Variants in ADGRB3 observed in about 807,000 individuals in gnomAD.
ADGRB3 encodes brain-specific angiogenesis inhibitor 3.
ADGRB3 carries 37 observed loss-of-function variants against 193.4 expected under a neutral mutation model. The observed-to-expected ratio is 0.19, with a 90% CI of 0.15 to 0.25. The LOEUF (loss-of-function observed/expected upper bound fraction) is 0.25. Ranked by LOEUF, ADGRB3 falls within the 10% of genes least tolerant of loss-of-function variation. The probability of loss-of-function intolerance (pLI) is 1.00; values close to 1 mark genes in which losing one functional copy is unlikely to be tolerated. For missense variants in ADGRB3, 1,637 were observed against 1,852.9 expected, an observed-to-expected ratio of 0.88 and a Z score of 2.14; for synonymous variants, 690 against 644.2, an observed-to-expected ratio of 1.07 and a Z score of -1.08.
intron 3 of ADGRB3, among the ~76,000 whole-genome samples, chr6:68,767,020 T>C (rs575149354): frequency 1.3e-5 from 2 of 152,212 alleles, no homozygotes; most frequent in East Asian, 1.9e-4. Flanking sequence ...TCATGTCAGA[T>C]TAAGTAAATT....
At chr6:68,898,216 A>C (rs1358256637) in intron 3 of ADGRB3, among the ~76,000 whole-genome samples, 1 of 151,980 alleles carries the variant, frequency 6.6e-6, no homozygotes, top group Non-Finnish European at 1.5e-5. Context: ...GAAATCCAAA[A>C]TCCTGAGAAC....
chr6:69,378,807 C>A (rs982465594), intron 30 of ADGRB3, among the ~76,000 whole-genome samples: 1 of 151,936 alleles, frequency 6.6e-6, no homozygotes, highest in African/African-American at 2.4e-5. Context: ...TAGGAGAGTT[C>A]TTGGGATATA....
chr6:69,075,906 C>T, intron 16 of ADGRB3, 89 bp from the exon 17 acceptor site: 1 of 964,856 alleles, frequency 1.0e-6, no homozygotes, highest in Admixed American at 2.1e-5. Flanking sequence ...GATAAGAAAT[C>T]TTCCATTCTG....
At chr6:68,653,066 T>A (rs1352170969) in intron 3 of ADGRB3, among the ~76,000 whole-genome samples, 3 of 152,118 alleles carry the variant, frequency 2.0e-5, no homozygotes, top group African/African-American at 7.2e-5. Flanking sequence ...AAAAGTGACA[T>A]TGCTCACTTC....
chr6:68,920,512 C>CAAA (rs5877180), intron 3 of ADGRB3, among the ~76,000 whole-genome samples: 11 of 68,870 alleles, frequency 1.6e-4, no homozygotes, highest in East Asian at 4.9e-4. Flanking sequence ...GACTCTGTAT[C>CAAA]AAAAAAAAAA....
At position 68,860,005 on chromosome 6, in the gene ADGRB3, G is replaced by GA. The variant is rs532037275; in HGVS notation, c.758-70549dup. On this transcript the variant is annotated intron_variant, in intron 3 of 31. Transcript: ENST00000370598. Reference sequence around the variant, plus strand: ...ATAATAGTAACTATAGGTATTTTATGAAAAATAACTATGTATATTTTCCAA... The same window carrying GA: ...ATAATAGTAACTATAGGTATTTTATGAAAAAATAACTATGTATATTTTCCAA... 1.8e-4 allele frequency among the ~76,000 whole-genome samples: 27 copies of GA among 151,978 alleles called. 1 individual carries two copies. The South Asian group carries it at 4.6e-3, about 26-fold the overall frequency.
chr6:68,657,419 A>C (rs189886875), intron 3 of ADGRB3, among the ~76,000 whole-genome samples: 184 of 151,556 alleles, frequency 1.2e-3, no homozygotes, highest in African/African-American at 4.1e-3. Context: ...ATCAGTAAAA[A>C]TTTTTAAACA....
intron 3 of ADGRB3, among the ~76,000 whole-genome samples, chr6:68,911,839 G>A (rs1352260835): frequency 1.3e-5 from 2 of 149,038 alleles, no homozygotes; most frequent in African/African-American, 4.9e-5. Flanking sequence ...CTACACAAAG[G>A]TCATTCCTAA....
chr6:69,057,643 G>C (rs1457773620), intron 15 of ADGRB3, among the ~76,000 whole-genome samples: 1 of 151,898 alleles, frequency 6.6e-6, no homozygotes, highest in East Asian at 1.9e-4. Context: ...TATCATGAAA[G>C]GGTGTCGAAT....
intron 18 of ADGRB3, 79 bp from the exon 19 acceptor site, chr6:69,234,953 G>C: frequency 8.9e-7 from 1 of 1,124,912 alleles, no homozygotes; most frequent in Admixed American, 1.9e-5. Flanking sequence ...TGAGTGATAG[G>C]TTAGCTTTGC....
intron 3 of ADGRB3, among the ~76,000 whole-genome samples, chr6:68,841,453 G>C (rs1768157528): frequency 6.6e-6 from 1 of 152,014 alleles, no homozygotes; most frequent in Non-Finnish European, 1.5e-5. Context: ...ATAACAAGAG[G>C]AATTTTTCAA....
chr6:69,084,929 T>A (rs1772502451), intron 17 of ADGRB3, among the ~76,000 whole-genome samples: 1 of 152,120 alleles, frequency 6.6e-6, no homozygotes, highest in African/African-American at 2.4e-5. Context: ...AGTTGTTTGG[T>A]ATGCATGAGT....
At chr6:69,231,138 T>G (rs1260716598) in intron 17 of ADGRB3, among the ~76,000 whole-genome samples, 1 of 152,148 alleles carries the variant, frequency 6.6e-6, no homozygotes. Context: ...GTAAAGTAAA[T>G]GGACTCACAT....
At chr6:69,079,214 GT>G (rs1167021313) in intron 17 of ADGRB3, among the ~76,000 whole-genome samples, 1 of 151,876 alleles carries the variant, frequency 6.6e-6, no homozygotes, top group African/African-American at 2.4e-5. Flanking sequence ...TATTTGTTTT[GT>G]TCTGGCTCAC....
At chr6:68,987,661 C>T (rs1171673631) in intron 10 of ADGRB3, among the ~76,000 whole-genome samples, 1 of 152,076 alleles carries the variant, frequency 6.6e-6, no homozygotes, top group African/African-American at 2.4e-5. Context: ...GCTCAAATCT[C>T]CATAGTCACT....
rs937887141 is a variant in ADGRB3, at chr6:68,812,430, T to C, written c.758-118129T>C. Among the ~76,000 whole-genome samples the C allele has an allele frequency of 2.0e-5, 3 of 152,182 alleles. No homozygotes were observed. In the South Asian group the frequency reaches 6.2e-4, roughly 32 times the overall value. On this transcript the variant is annotated intron_variant, in intron 3 of 31. Transcript: ENST00000370598. ...TACTTTTTTACATTAGATAATTATATGACTTGCCAATTGTAACAGAAGAAT... is the reference window on the plus strand; with the variant it reads ...TACTTTTTTACATTAGATAATTATACGACTTGCCAATTGTAACAGAAGAAT...
intron 13 of ADGRB3, among the ~76,000 whole-genome samples, chr6:69,047,242 A>G (rs1031667236): frequency 6.6e-6 from 1 of 152,184 alleles, no homozygotes; most frequent in Non-Finnish European, 1.5e-5. Context: ...TCCAAGGGAC[A>G]CTTGAAAATA....
chr6:68,888,581 A>G (rs1227146578), intron 3 of ADGRB3, among the ~76,000 whole-genome samples: 1 of 152,004 alleles, frequency 6.6e-6, no homozygotes, highest in African/African-American at 2.4e-5. Flanking sequence ...ACACATAAAA[A>G]AAACTCCTGC....
intron 17 of ADGRB3, among the ~76,000 whole-genome samples, chr6:69,097,384 G>C (rs1197153859): frequency 6.6e-6 from 1 of 152,066 alleles, no homozygotes; most frequent in Non-Finnish European, 1.5e-5. Flanking sequence ...ATTAACTTTT[G>C]CTGAAAGTAT....
Sources: allele counts gnomAD v4.1 joint callset (sites outside exome capture counted in the v4.1 genomes callset), GRCh38; gene constraint gnomAD v4.1.1; transcripts MANE v1.5; gene names NCBI Gene and HGNC (gene_info 2026-07-23, HGNC 2026-07-21).